Variants in MYO7B observed in about 807,000 individuals in gnomAD.
The protein encoded by MYO7B is unconventional myosin-VIIb.
A neutral mutation model predicts 259.7 loss-of-function variants in MYO7B; 212 were observed. That is an observed-to-expected ratio of 0.82 (90% CI 0.73 to 0.91). The LOEUF (loss-of-function observed/expected upper bound fraction) is 0.91, where lower values mean the gene tolerates loss of function less well. MYO7B is among the 40% of genes least tolerant of loss of function. The probability of loss-of-function intolerance (pLI) is 0.00; values close to 1 mark genes in which losing one functional copy is unlikely to be tolerated. For synonymous variants in MYO7B, 1,197 were observed against 1,166.4 expected (o/e 1.03, Z -0.54); for missense variants, 2,732 against 2,813.5 (o/e 0.97, Z 0.66).
At position 127,578,301 on chromosome 2, in the gene MYO7B, G is replaced by A. The variant is rs1678962031; in HGVS notation, c.1003+15G>A. 1 of 1,613,264 alleles carries A rather than the reference G, an allele frequency of 6.2e-7. No individual in the cohort carries two copies. The highest frequency in any genetic ancestry group is 8.5e-7 in the Non-Finnish European group (1 of 1,179,742). ...GGGGTTCATGGGTAATGCCGGTTCT[G>A]CCCCAACTGCACCCTTGGGGAGGGA... On this transcript the variant is annotated intron_variant, in intron 9 of 47. Transcript: ENST00000409816.
chr2:127,546,034 A>C lies in MYO7B; in HGVS notation c.-24+10203A>C, dbSNP rs557451554. Among the ~76,000 whole-genome samples the C allele has an allele frequency of 2.0e-5, 3 of 152,200 alleles. No individual in the cohort carries two copies. The highest frequency in any genetic ancestry group is 4.4e-5 in the Non-Finnish European group (3 of 68,038). On this transcript the variant is annotated intron_variant, in intron 1 of 47. Coordinates refer to ENST00000409816, the MANE Select transcript of MYO7B (RefSeq NM_001393586.1). This position sits in a 1 kb window ranked among gnomAD's most constrained non-coding sequence, Gnocchi z 4.2. The stretch of plus-strand genomic sequence containing the variant: ...GTGTTCTTCTTGAGTGATGGCTTCC[A>C]TGCCAGGTACTCTCAGCTCTGGGGA...
Position 127,628,673 on chromosome 2 carries a change from T to G in MYO7B, c.4624+138T>G, listed in dbSNP as rs1681292264. 1.1e-6 allele frequency: 1 copy of G among 943,650 alleles called. No homozygotes were observed. The highest frequency in any genetic ancestry group is 1.6e-6 in the Non-Finnish European group (1 of 641,580). 58.5% of individuals were successfully genotyped at this position (943,650 alleles called of 1,614,324 possible). On this transcript the variant is annotated intron_variant, in intron 34 of 47. Transcript: ENST00000409816. This position sits in a 1 kb window ranked among gnomAD's most constrained non-coding sequence, Gnocchi z 4.8. ...AGGGAGGGAAGGCCCCAAAGCTCTG[T>G]GGGGGCAGCTTTAGGCAAGGCCCTG...
intron 27 of MYO7B, among the ~76,000 whole-genome samples, chr2:127,621,097 C>T (rs747645561): frequency 6.6e-6 from 1 of 152,178 alleles, no homozygotes; most frequent in Non-Finnish European, 1.5e-5. Context: ...GTCACTGAAG[C>T]CATCTGCGCA....
In MYO7B at chr2:127,633,291, G is replaced by A. The variant is rs1485093822; in HGVS notation, c.5439G>A (p.Val1813=). 2 of 1,612,576 alleles carry A rather than the reference G, an allele frequency of 1.2e-6. No individual in the cohort carries two copies. Among genetic ancestry groups the A allele is most frequent in the Non-Finnish European group, 1.7e-6 (2 of 1,179,730 alleles). Residue 1813 remains valine (V), a synonymous_variant, in exon 40 of 48, where the codon GTG becomes GTA. Coordinates refer to ENST00000409816, the MANE Select transcript of MYO7B (RefSeq NM_001393586.1). ...CCCGGAAGCAGCCCCCGCACCAGGT[G>A]GAGGTGGAGGCCGCAGAGCAGAACG... ...TGPRKQPPHQ[V]EVEAAEQNVS...
intron 12 of MYO7B, among the ~76,000 whole-genome samples, chr2:127,582,980 C>T (rs139824818): frequency 1.2e-3 from 176 of 152,236 alleles, no homozygotes; most frequent in Non-Finnish European, 2.1e-3. Flanking sequence ...GGCTGGGGGT[C>T]GGATAGACAA....
chr2:127,636,183 C>T lies in MYO7B; in HGVS notation c.6007-25C>T, dbSNP rs1419395639. The stretch of plus-strand genomic sequence containing the variant: ...TTGGAGGGCCTCTGGGCACCCAAGT[C>T]CTTACTGGCCCTCCTGTCCCCCAGA... On this transcript the variant is annotated intron_variant, in intron 44 of 47. Coordinates refer to ENST00000409816, the MANE Select transcript of MYO7B (RefSeq NM_001393586.1). The surrounding 1 kb of genome is among the most constrained non-coding windows in gnomAD (Gnocchi z 4.5). The T allele has an allele frequency of 6.3e-7, 1 of 1,586,264 alleles. No homozygotes were observed. Among genetic ancestry groups the T allele is most frequent in the East Asian group, 2.2e-5 (1 of 44,590 alleles).
intron 2 of MYO7B, among the ~76,000 whole-genome samples, chr2:127,562,304 T>C (rs1392180459): frequency 1.3e-5 from 2 of 152,192 alleles, no homozygotes; most frequent in East Asian, 3.9e-4. Flanking sequence ...TTATTTTTTA[T>C]TTATGTATTC....
intron 1 of MYO7B, among the ~76,000 whole-genome samples, chr2:127,551,613 T>C (rs1305362554): frequency 6.6e-6 from 1 of 152,228 alleles, no homozygotes. Flanking sequence ...TTTGGGGACA[T>C]ACATTAAACC....
Position 127,628,368 on chromosome 2 carries a change from C to A in MYO7B, c.4461-4C>A. On this transcript the variant is annotated splice_polypyrimidine_tract_variant and splice_region_variant and intron_variant, in intron 33 of 47. Coordinates refer to ENST00000409816, the MANE Select transcript of MYO7B (RefSeq NM_001393586.1). This position sits in a 1 kb window ranked among gnomAD's most constrained non-coding sequence, Gnocchi z 4.8. ...CTCCTGGTCACGCTGTCCTTCATCT[C>A]CAGGGAGGCCCAGGGCGGGCAGAGG... 2 of 1,597,356 alleles carry A rather than the reference C, an allele frequency of 1.3e-6. No homozygotes were observed. The highest frequency in any genetic ancestry group is 1.7e-6 in the Non-Finnish European group (2 of 1,174,430).
chr2:127,629,564 C>T, intron 34 of MYO7B, 81 bp from the exon 35 acceptor site: 1 of 1,394,268 alleles, frequency 7.2e-7, no homozygotes. Flanking sequence ...TTTCATCTGT[C>T]AAAGGAGATG....
Position 127,633,177 on chromosome 2 carries a change from G to C in MYO7B, c.5406-81G>C, listed in dbSNP as rs964558403. 2.1e-5 allele frequency: 24 copies of C among 1,118,954 alleles called. No homozygotes were observed. The South Asian group carries it at 3.1e-4, about 14-fold the overall frequency. 69.3% of individuals were successfully genotyped at this position (1,118,954 alleles called of 1,614,324 possible). ...GGTTTTCTTTTGTTTCTGGCACATG[G>C]TTTAGGGCCCACATCGGGGCTGGGG... On this transcript the variant is annotated intron_variant, in intron 39 of 47. Coordinates refer to ENST00000409816, the MANE Select transcript of MYO7B (RefSeq NM_001393586.1).
At chr2:127,582,125 G>T in intron 11 of MYO7B, 115 bp downstream of exon 11, 1 of 1,522,174 alleles carries the variant, frequency 6.6e-7, no homozygotes, top group Non-Finnish European at 8.9e-7. Context: ...TCCCCACTCT[G>T]CCAGTCACCT....
intron 21 of MYO7B, among the ~76,000 whole-genome samples, chr2:127,608,435 C>T (rs1353066844): frequency 6.6e-6 from 1 of 152,142 alleles, no homozygotes; most frequent in African/African-American, 2.4e-5. Context: ...TGAAGGGGTG[C>T]CTTAAGAGCC....
rs142099735 is a variant in MYO7B at position 127,542,187 on chromosome 2, T to C, written c.-24+6356T>C. On this transcript the variant is annotated intron_variant, in intron 1 of 47. Coordinates refer to ENST00000409816, the MANE Select transcript of MYO7B (RefSeq NM_001393586.1). ...GGTATCTCTTGGACATTACCCTGAA[T>C]GCTGAGCTGTCCTGTGGGTGTTAGA... Among the ~76,000 whole-genome samples the C allele has an allele frequency of 3.3e-3, 503 of 152,346 alleles. 4 individuals are homozygous for C. Among genetic ancestry groups the C allele is most frequent in the African/African-American group, 0.01 (425 of 41,580 alleles).
At chr2:127,583,071 A>G (rs1008795209) in intron 12 of MYO7B, among the ~76,000 whole-genome samples, 14 of 152,240 alleles carry the variant, frequency 9.2e-5, no homozygotes, top group Admixed American at 1.3e-4. Context: ...GAGGAGTCCC[A>G]TGACGACTGG....
intron 1 of MYO7B, among the ~76,000 whole-genome samples, chr2:127,544,887 G>A (rs373061631): frequency 8.1e-5 from 12 of 147,772 alleles, no homozygotes; most frequent in African/African-American, 2.8e-4. Context: ...GCCACGTCTG[G>A]CTAATTTTTT....
At chr2:127,606,024 C>A in intron 20 of MYO7B, 96 bp downstream of exon 20, 1 of 1,007,442 alleles carries the variant, frequency 9.9e-7, no homozygotes, top group South Asian at 1.4e-5. Flanking sequence ...GAATGAGAGA[C>A]CTCAGGCAGG....
rs571941868 is a variant in MYO7B, at chr2:127,622,159, C to A, written c.3645+58C>A. On this transcript the variant is annotated intron_variant, in intron 28 of 47. Coordinates refer to ENST00000409816, the MANE Select transcript of MYO7B (RefSeq NM_001393586.1). The stretch of plus-strand genomic sequence containing the variant: ...TGGGGTGGTGCAGACCCCCAGGGAC[C>A]CCCAGCACAGCTCATGGGGTGCCTT... The A allele has an allele frequency of 3.8e-5, 57 of 1,503,190 alleles. No individual in the cohort carries two copies. In the South Asian group the frequency reaches 6.4e-4, roughly 17 times the overall value. 93.1% of individuals were successfully genotyped at this position (1,503,190 alleles called of 1,614,324 possible). A position where few individuals can be genotyped will look rare whatever the true frequency, so the allele number is the denominator to read the frequency against.
chr2:127,632,018 G>A (rs989565909), intron 38 of MYO7B, among the ~76,000 whole-genome samples: 2 of 152,238 alleles, frequency 1.3e-5, no homozygotes, highest in African/African-American at 2.4e-5. Flanking sequence ...CTTCAGTGTC[G>A]TCTTCCACAA....
Sources: allele counts gnomAD v4.1 joint callset (sites outside exome capture counted in the v4.1 genomes callset), GRCh38; gene constraint gnomAD v4.1.1; non-coding constraint Gnocchi (gnomAD v3.1); transcripts MANE v1.5; gene names NCBI Gene and HGNC (gene_info 2026-07-23, HGNC 2026-07-21).